The following ANKRD55 variants were observed in gnomAD, a reference collection of about 807,000 sequenced individuals.
ANKRD55 encodes ankyrin repeat domain-containing protein 55.
A neutral mutation model predicts 60.6 loss-of-function variants in ANKRD55; 41 were observed. The ratio of observed to expected loss-of-function variants is 0.68; its 90% CI spans 0.53 to 0.88. ANKRD55 has a LOEUF of 0.88. ANKRD55 is among the 40% of genes least tolerant of loss of function. The pLI, the probability that ANKRD55 is intolerant of heterozygous loss-of-function variation, is 0.00. For missense variants in ANKRD55, 732 were observed against 767.6 expected (o/e 0.95, Z 0.55); for synonymous variants, 264 against 290.3 (o/e 0.91, Z 0.92).
chr5:56,215,878 A>G (rs1370603736), intron 2 of ANKRD55, among the ~76,000 whole-genome samples: 1 of 152,004 alleles, frequency 6.6e-6, no homozygotes, highest in African/African-American at 2.4e-5. Flanking sequence ...AGTACTGGCT[A>G]GTATTCTTGG....
intron 7 of ANKRD55, among the ~76,000 whole-genome samples, chr5:56,138,481 T>C (rs1036295757): frequency 2.0e-5 from 3 of 152,200 alleles, no homozygotes; most frequent in African/African-American, 7.2e-5. Context: ...CCAGCAACTG[T>C]GCTCCTTGAT....
At chr5:56,130,023 G>A (rs115126379) in intron 7 of ANKRD55, among the ~76,000 whole-genome samples, 2,498 of 152,276 alleles carry the variant, frequency 0.016, 43 homozygotes, top group Admixed American at 0.042. Context: ...AGAAAGAAAC[G>A]TGCCTAATAT....
At chr5:56,207,039 G>C (rs553496390) in intron 2 of ANKRD55, among the ~76,000 whole-genome samples, 2 of 152,342 alleles carry the variant, frequency 1.3e-5, no homozygotes, top group African/African-American at 2.4e-5. Context: ...TGCTGTGTGA[G>C]TTTGGCTAAC....
intron 5 of ANKRD55, among the ~76,000 whole-genome samples, chr5:56,170,015 A>T (rs1449335249): frequency 6.6e-6 from 1 of 152,166 alleles, no homozygotes; most frequent in African/African-American, 2.4e-5. Context: ...CAGTTATCTT[A>T]CAAAAAGGTG....
At chr5:56,166,082 T>TTC (rs1290693213) in intron 5 of ANKRD55, among the ~76,000 whole-genome samples, 2 of 103,440 alleles carry the variant, frequency 1.9e-5, no homozygotes, top group South Asian at 6.9e-4. Context: ...GATCTTTCTT[T>TTC]TCTTTTTCTT....
intron 5 of ANKRD55, among the ~76,000 whole-genome samples, chr5:56,166,296 C>T (rs868447948): frequency 8.7e-5 from 13 of 150,250 alleles, no homozygotes; most frequent in Middle Eastern, 3.4e-3. Context: ...CTTGTGCTGT[C>T]GCCCAGGTTG....
intron 2 of ANKRD55, among the ~76,000 whole-genome samples, chr5:56,222,177 C>T (rs757003345): frequency 6.6e-5 from 10 of 152,142 alleles, no homozygotes; most frequent in East Asian, 3.9e-4. Context: ...AAGCAACATT[C>T]GCCGTTCTGC....
At chr5:56,219,254 T>C (rs1255289211) in intron 2 of ANKRD55, among the ~76,000 whole-genome samples, 1 of 113,700 alleles carries the variant, frequency 8.8e-6, no homozygotes, top group African/African-American at 3.4e-5. Context: ...GCCTGGGGGA[T>C]AGAGCAAGAC....
chr5:56,233,154 A>G (rs1760298440), intron 1 of ANKRD55, 87 bp downstream of exon 1: 1 of 530,634 alleles, frequency 1.9e-6, no homozygotes, highest in Non-Finnish European at 3.4e-6. Flanking sequence ...TCAGCTGTAC[A>G]TGGGCATAAT....
intron 6 of ANKRD55, among the ~76,000 whole-genome samples, chr5:56,149,240 C>G (rs1348579416): frequency 6.6e-6 from 1 of 152,012 alleles, no homozygotes; most frequent in African/African-American, 2.4e-5. Context: ...TCACGATAGC[C>G]AAAGACTGTA....
At chr5:56,136,772 A>C (rs1015018600) in intron 7 of ANKRD55, among the ~76,000 whole-genome samples, 1 of 144,244 alleles carries the variant, frequency 6.9e-6, no homozygotes, top group African/African-American at 2.8e-5. Flanking sequence ...AATACAAAAA[A>C]TTACCTAGGC....
chr5:56,111,702 A>G lies in ANKRD55; in HGVS notation c.1046T>C (p.Ile349Thr). Residue 349 changes from isoleucine (I) to threonine (T), a missense_variant, in exon 10 of 12, where the codon ATA becomes ACA. Coordinates refer to ENST00000341048, the MANE Select transcript of ANKRD55 (RefSeq NM_024669.3). ...CTCTTCTTTCTTGTTTTTGCAGAAT[A>G]TTTGGTTGAGCACGTTGAACCGTCT... ...KERRFNVLNQ[I>T]FCKNKKEEQR... 6.6e-7 allele frequency: 1 copy of G among 1,522,490 alleles called. No individual in the cohort carries two copies. The highest frequency in any genetic ancestry group is 1.4e-5 in the South Asian group (1 of 73,450). 94.3% of individuals were successfully genotyped at this position (1,522,490 alleles called of 1,614,324 possible).
intron 2 of ANKRD55, among the ~76,000 whole-genome samples, chr5:56,226,284 G>C (rs1760108294): frequency 6.6e-6 from 1 of 152,168 alleles, no homozygotes; most frequent in Non-Finnish European, 1.5e-5. Context: ...GCCATATGTA[G>C]AAAGCTGACA....
chr5:56,213,172 A>T (rs1458442493), intron 2 of ANKRD55, among the ~76,000 whole-genome samples: 1 of 152,228 alleles, frequency 6.6e-6, no homozygotes, highest in Non-Finnish European at 1.5e-5. Context: ...AAATATGTTT[A>T]CTCTCATTTC....
intron 9 of ANKRD55, among the ~76,000 whole-genome samples, chr5:56,113,894 C>A (rs1756810148): frequency 6.6e-6 from 1 of 151,608 alleles, no homozygotes; most frequent in South Asian, 2.1e-4. Flanking sequence ...AAGTGATCCA[C>A]CCACCTTGGC....
intron 2 of ANKRD55, among the ~76,000 whole-genome samples, chr5:56,208,487 C>A (rs984179301): frequency 6.6e-6 from 1 of 151,574 alleles, no homozygotes; most frequent in East Asian, 2.0e-4. Flanking sequence ...TGCAGTGGCA[C>A]CATCTCGGCT....
intron 11 of ANKRD55, among the ~76,000 whole-genome samples, chr5:56,101,839 T>C (rs979055048): frequency 2.6e-5 from 4 of 152,170 alleles, no homozygotes; most frequent in African/African-American, 9.7e-5. Context: ...TGTACATTTC[T>C]ATCTGTCCAG....
At chr5:56,122,457 T>C (rs1757094868) in intron 8 of ANKRD55, among the ~76,000 whole-genome samples, 1 of 151,440 alleles carries the variant, frequency 6.6e-6, no homozygotes, top group Non-Finnish European at 1.5e-5. Flanking sequence ...TCAAGACCAG[T>C]CTGGCCAACA....
At chr5:56,162,067 G>A in intron 5 of ANKRD55, 1 of 985,004 alleles carries the variant, frequency 1.0e-6, no homozygotes, top group Non-Finnish European at 1.2e-6. Flanking sequence ...GGGCCCATTT[G>A]GTCTGAGGGA....
Sources: gnomAD v4.1 joint callset for allele counts (sites outside exome capture counted in the v4.1 genomes callset) on GRCh38, gnomAD v4.1.1 for gene constraint, MANE v1.5 for transcripts, NCBI Gene and HGNC (gene_info 2026-07-23, HGNC 2026-07-21) for gene names.